ANGEL1: variants seen among roughly 807,000 people sequenced by gnomAD.
The protein encoded by ANGEL1 is angel homolog 1.
Under a neutral mutation model 76.4 loss-of-function variants are expected in ANGEL1, and 62 were observed. The observed-to-expected ratio is 0.81, with a 90% CI of 0.66 to 1.00. The LOEUF (loss-of-function observed/expected upper bound fraction) is 1.00, where lower values mean the gene tolerates loss of function less well. Among genes scored for constraint, ANGEL1 ranks in the 50% least tolerant of loss-of-function variants. The probability of loss-of-function intolerance (pLI) is 0.00; values close to 1 mark genes in which losing one functional copy is unlikely to be tolerated. For missense variants in ANGEL1, 737 were observed against 836.7 expected (o/e 0.88, Z 1.47); for synonymous variants, 340 against 331.7 (o/e 1.03, Z -0.27).
chr14:76,805,012 AAAATAAATAAATAAAT>A (rs59478597), intron 5 of ANGEL1, among the ~76,000 whole-genome samples: 346 of 147,040 alleles, frequency 2.4e-3, no homozygotes, highest in Middle Eastern at 0.01. Context: ...TCTGTCTCAA[AAAATAAATAAATAAAT>A]AAATAAATAA....
In ANGEL1 at chr14:76,809,262, G is replaced by A; in HGVS notation, c.446C>T (p.Ala149Val). Residue 149 changes from alanine (A) to valine (V), a missense_variant, in exon 2 of 10, where the codon GCT becomes GTT. By Grantham distance (64) the Ala-to-Val change is moderately conservative (BLOSUM62 0). Transcript: ENST00000251089. ...VEGVEGSMWA[A>V]IPMQSEPQYA... ...CTGGGGCTCCGACTGCATGGGGATA[G>A]CTGCCCACATGGAGCCCTCCACCCC... 2 of 1,613,202 alleles carry A rather than the reference G, an allele frequency of 1.2e-6. No homozygotes were observed.
chr14:76,806,676 C>T lies in ANGEL1; in HGVS notation c.1120G>A (p.Val374Ile), dbSNP rs745454636. ...VGLVLLLQPL[V>I]PEGLGQVSVA... The stretch of plus-strand genomic sequence containing the variant: ...GAGACTTGTCCCAGGCCTTCTGGGA[C>T]GAGTGGTTGCAGTAGCAACACTAAG... The change falls in exon 5 of 10, where the codon GTC (valine) becomes ATC (isoleucine). Residue 374 changes from valine (V) to isoleucine (I), a missense_variant. Physicochemically the swap from Val to Ile is conservative, Grantham distance 29 (BLOSUM62 3). Around this residue, in one of 2 missense-constraint regions of ANGEL1, gnomAD observed 296 missense variants for 387.2 expected, o/e 0.76. Transcript: ENST00000251089. 1.2e-5 allele frequency: 19 copies of T among 1,613,872 alleles called. No homozygotes were observed. The highest frequency in any genetic ancestry group is 3.3e-4 in the Middle Eastern group (2 of 6,084).
intron 5 of ANGEL1, 77 bp downstream of exon 5, chr14:76,806,339 A>G (rs1228869127): frequency 1.3e-6 from 2 of 1,484,244 alleles, no homozygotes; most frequent in East Asian, 4.6e-5. Context: ...TCCCTGCCAC[A>G]GAAGAAGCAC....
At chr14:76,810,172 T>G (rs1431618281) in intron 1 of ANGEL1, 1 of 454,522 alleles carries the variant, frequency 2.2e-6, no homozygotes, top group Non-Finnish European at 4.4e-6. Context: ...TCCCAGCACT[T>G]TGGGAGGCAG....
At chr14:76,801,528 T>C (rs1159983970) in intron 7 of ANGEL1, among the ~76,000 whole-genome samples, 1 of 152,186 alleles carries the variant, frequency 6.6e-6, no homozygotes, top group Non-Finnish European at 1.5e-5. Context: ...TGTTATTATA[T>C]TATAGGCTTT....
At position 76,791,343 on chromosome 14, in the gene ANGEL1, A is replaced by G; in HGVS notation, c.1642T>C (p.Ser548Pro). The change falls in exon 8 of 10, where the codon TCT (serine) becomes CCT (proline). Residue 548 changes from serine (S) to proline (P), a missense_variant. This residue lies in a region of ANGEL1 where 296 missense variants were observed against 387.2 expected (regional missense o/e 0.76). Transcript: ENST00000251089. ...TCCGATGCATCTTCCTCAAGGACAGACTCAGCCCAACCCGCAGGTCGCTCT... is the reference window on the plus strand; with the variant it reads ...TCCGATGCATCTTCCTCAAGGACAGGCTCAGCCCAACCCGCAGGTCGCTCT... The part of the protein sequence containing the change: ...KPERPAGWAE[S>P]VLEEDASELE... 1 of 1,614,090 alleles carries G rather than the reference A, an allele frequency of 6.2e-7. No homozygotes were observed. The highest frequency in any genetic ancestry group is 8.5e-7 in the Non-Finnish European group (1 of 1,179,970).
intron 9 of ANGEL1, among the ~76,000 whole-genome samples, chr14:76,790,362 C>T (rs1224497793): frequency 6.6e-6 from 1 of 152,140 alleles, no homozygotes; most frequent in Non-Finnish European, 1.5e-5. Flanking sequence ...TCTATTTTTA[C>T]CTCTAAAATG....
chr14:76,793,372 GGGAAAGAGGAGAGGGGAGAGGAGGGGAGA>G (rs1894463789), intron 7 of ANGEL1, among the ~76,000 whole-genome samples: 1 of 103,366 alleles, frequency 9.7e-6, no homozygotes, highest in African/African-American at 3.7e-5. Flanking sequence ...AAGAGGAGAG[GGGAAAGAGGAGAGGGGAGAGGAGGGGAGA>G]GGGGATAAAA....
chr14:76,810,342 G>A lies in ANGEL1; in HGVS notation c.65-699C>T, dbSNP rs1032948149. 443 of 390,920 alleles carry A rather than the reference G, an allele frequency of 1.1e-3. 6 individuals carry two copies. The Admixed American group carries it at 0.012, about 10-fold the overall frequency. The allele number at this position is 390,920 out of a possible 1,614,324, so 24.2% of individuals were successfully genotyped here. ...AGGCTGAAATGAGAGGATTGCTTGA[G>A]CCCAGGTTGACGCTGCAGTGAGCTA... On this transcript the variant is annotated intron_variant, in intron 1 of 9. Coordinates refer to ENST00000251089, the MANE Select transcript of ANGEL1 (RefSeq NM_015305.4).
At position 76,809,633 on chromosome 14, in the gene ANGEL1, G is replaced by C. The variant is rs753475958; in HGVS notation, c.75C>G (p.Phe25Leu). 5 of 1,612,636 alleles carry C rather than the reference G, an allele frequency of 3.1e-6. No homozygotes were observed. Among genetic ancestry groups the C allele is most frequent in the Non-Finnish European group, 4.2e-6 (5 of 1,179,272 alleles). Reference sequence around the variant, plus strand: ...CCAGAAGGACATTTTTTCGACATGTGAAGAAAGCATCTAGGAGGAAAGCCA... The same window carrying C: ...CCAGAAGGACATTTTTTCGACATGTCAAGAAAGCATCTAGGAGGAAAGCCA... Reference protein sequence around the residue: ...RLFRALSDAFFTCRKNVLLAN... With the variant: ...RLFRALSDAFLTCRKNVLLAN... The change falls in exon 2 of 10, where the codon TTC (phenylalanine) becomes TTG (leucine). Residue 25 changes from phenylalanine (F) to leucine (L), a missense_variant. Physicochemically the swap from Phe to Leu is conservative, Grantham distance 22. Around this residue, in one of 2 missense-constraint regions of ANGEL1, gnomAD observed 441 missense variants for 449.5 expected, o/e 0.98. Transcript: ENST00000251089.
chr14:76,804,420 G>C, intron 5 of ANGEL1: 1 of 999,252 alleles, frequency 1.0e-6, no homozygotes, highest in Non-Finnish European at 1.2e-6. Context: ...AGCAGCCTGG[G>C]AACGGACAAA....
intron 8 of ANGEL1, 141 bp downstream of exon 8, chr14:76,791,156 A>G (rs1330273755): frequency 4.3e-6 from 4 of 938,498 alleles, no homozygotes; most frequent in Admixed American, 2.2e-5. Context: ...ATAACCCTCT[A>G]TAAGTTTAGC....
rs45499197 is a variant in ANGEL1, at chr14:76,806,649, C to G, written c.1147G>C (p.Val383Leu). 0.054 allele frequency: 86,462 copies of G among 1,613,986 alleles called. 2,658 individuals carry two copies. Among genetic ancestry groups the G allele is most frequent in the Non-Finnish European group, 0.061 (71,899 of 1,180,012 alleles). The change falls in exon 5 of 10, where the codon GTG (valine) becomes CTG (leucine). Residue 383 changes from valine to leucine, a missense_variant. This residue lies in a region of ANGEL1 where 296 missense variants were observed against 387.2 expected (regional missense o/e 0.76). Transcript: ENST00000251089. ...LVPEGLGQVSVAPLCVANTHI... is the reference protein window; with the variant it reads ...LVPEGLGQVSLAPLCVANTHI... ...GTATTTGCCACACACAGCGGGGCCA[C>G]CGAGACTTGTCCCAGGCCTTCTGGG...
At chr14:76,794,653 G>A (rs1411125119) in intron 7 of ANGEL1, among the ~76,000 whole-genome samples, 41 of 149,540 alleles carry the variant, frequency 2.7e-4, no homozygotes, top group Middle Eastern at 3.4e-3. Context: ...CGTGGGCAAC[G>A]GAGCGAGACT....
At chr14:76,802,835 T>C (rs1258044110) in intron 7 of ANGEL1, among the ~76,000 whole-genome samples, 1 of 152,266 alleles carries the variant, frequency 6.6e-6, no homozygotes, top group African/African-American at 2.4e-5. Flanking sequence ...CCTTCTGTGT[T>C]GTGGTTCTTG....
rs993544459 is a variant in ANGEL1 at position 76,812,601 on chromosome 14, G to C, written c.64+163C>G. On this transcript the variant is annotated intron_variant, in intron 1 of 9. Coordinates refer to ENST00000251089, the MANE Select transcript of ANGEL1 (RefSeq NM_015305.4). The stretch of plus-strand genomic sequence containing the variant: ...GGTCCAGGCCTCGTGGGGTCAGGAG[G>C]GGCCCGCGGGGCAGGGGCTCAGGAC... 2.3e-4 allele frequency: 303 copies of C among 1,299,514 alleles called. 1 individual carries two copies. Among genetic ancestry groups the C allele is most frequent in the Non-Finnish European group, 2.9e-4 (297 of 1,023,572 alleles). The allele number at this position is 1,299,514 out of a possible 1,614,324, so 80.5% of individuals were successfully genotyped here.
At chr14:76,794,334 C>T (rs1018428582) in intron 7 of ANGEL1, among the ~76,000 whole-genome samples, 4 of 152,022 alleles carry the variant, frequency 2.6e-5, no homozygotes, top group Admixed American at 2.0e-4. Flanking sequence ...GGGAATGTTA[C>T]GAACAACTTC....
At chr14:76,803,672 G>C in intron 6 of ANGEL1, 114 bp downstream of exon 6, 1 of 1,469,500 alleles carries the variant, frequency 6.8e-7, no homozygotes, top group Non-Finnish European at 9.2e-7. Context: ...TGAGAAAACA[G>C]AGGAATCTGC....
intron 1 of ANGEL1, 41 bp from the exon 2 acceptor site, chr14:76,809,684 C>A: frequency 6.6e-7 from 1 of 1,510,842 alleles, no homozygotes; most frequent in Non-Finnish European, 9.1e-7. Flanking sequence ...AGACTGTCAT[C>A]CAACCCACAC....
Sources: allele counts gnomAD v4.1 joint callset (sites outside exome capture counted in the v4.1 genomes callset), GRCh38; gene constraint gnomAD v4.1.1; regional missense constraint gnomAD v4.1.1; transcripts MANE v1.5; gene names NCBI Gene and HGNC (gene_info 2026-07-23, HGNC 2026-07-21).